The following SNX29 variants were observed in gnomAD, a reference collection of about 807,000 sequenced individuals.
The protein encoded by SNX29 is sorting nexin 29, also known as sorting nexin-29.
A neutral mutation model predicts 102.1 loss-of-function variants in SNX29; 78 were observed. That is an observed-to-expected ratio of 0.76 (90% confidence interval 0.64 to 0.92). The LOEUF (loss-of-function observed/expected upper bound fraction) is 0.92, where lower values mean the gene tolerates loss of function less well. Among genes scored for constraint, SNX29 ranks in the 40% least tolerant of loss-of-function variants. The pLI is 0.00. For missense variants in SNX29, 1,280 were observed against 1,061.7 expected, an observed-to-expected ratio of 1.21 and a Z score of -2.86; for synonymous variants, 580 against 414.5, an observed-to-expected ratio of 1.40 and a Z score of -4.85.
chr16:12,476,404 A>G (rs1479293160), intron 18 of SNX29, among the ~76,000 whole-genome samples: 1,054 of 23,718 alleles, frequency 0.044, 73 homozygotes, highest in Non-Finnish European at 0.052. Context: ...ATATATATAT[A>G]TATATATACA....
intron 9 of SNX29, among the ~76,000 whole-genome samples, chr16:12,063,580 T>C (rs919773611): frequency 3.9e-5 from 6 of 152,026 alleles, no homozygotes; most frequent in Non-Finnish European, 8.8e-5. Flanking sequence ...CGTTTCGCCA[T>C]GTTGGCCAGA....
rs543135744 is a variant in SNX29 at position 12,387,144 on chromosome 16, A to G, written c.1900-11302A>G. Among the ~76,000 whole-genome samples the G allele has an allele frequency of 2.0e-3, 297 of 152,144 alleles. 1 individual carries two copies. Among genetic ancestry groups the G allele is most frequent in the Non-Finnish European group, 1.9e-3 (130 of 67,996 alleles). ...AGTCTCATTAAAAAAATAAAAAAAAAAGAGAGAGCCACACCTAGATTCCCA... is the reference window on the plus strand; with the variant it reads ...AGTCTCATTAAAAAAATAAAAAAAAGAGAGAGAGCCACACCTAGATTCCCA... On this transcript the variant is annotated intron_variant, in intron 16 of 20. Transcript: ENST00000566228.
chr16:12,298,516 G>A (rs2080055167), intron 15 of SNX29, among the ~76,000 whole-genome samples: 2 of 152,152 alleles, frequency 1.3e-5, no homozygotes, highest in African/African-American at 4.8e-5. Flanking sequence ...CTGTAAAATG[G>A]GAATGGTAAT....
intron 20 of SNX29, among the ~76,000 whole-genome samples, chr16:12,561,356 T>G (rs1318845716): frequency 1.3e-5 from 2 of 152,114 alleles, no homozygotes. Flanking sequence ...CACAGACTTA[T>G]GAGGGAGCTA....
intron 10 of SNX29, 34 bp from the exon 11 acceptor site, chr16:12,078,799 C>CA (rs1442012404): frequency 6.4e-7 from 1 of 1,561,340 alleles, no homozygotes; most frequent in Non-Finnish European, 8.7e-7. Context: ...TTTCAGTGGC[C>CA]GAGTGTAACT....
chr16:12,248,578 A>T (rs1213053391), intron 14 of SNX29, among the ~76,000 whole-genome samples: 1 of 151,630 alleles, frequency 6.6e-6, no homozygotes, highest in African/African-American at 2.4e-5. Flanking sequence ...TTAGTAGAGT[A>T]GTAGTTTTTG....
At chr16:12,259,730 C>T (rs1045912017) in intron 14 of SNX29, among the ~76,000 whole-genome samples, 1 of 152,212 alleles carries the variant, frequency 6.6e-6, no homozygotes, top group Non-Finnish European at 1.5e-5. Flanking sequence ...TCCTGGCCCT[C>T]GTCTCCGATC....
chr16:12,360,620 G>A (rs2082273984), intron 16 of SNX29, among the ~76,000 whole-genome samples: 1 of 152,216 alleles, frequency 6.6e-6, no homozygotes, highest in South Asian at 2.1e-4. Flanking sequence ...TTTCAGTGGG[G>A]CCAGTATACA....
rs541214551 is a variant in SNX29, at chr16:12,568,734, G to C, written c.*105G>C. 6.8e-7 allele frequency: 1 copy of C among 1,473,140 alleles called. No individual in the cohort carries two copies. The highest frequency in any genetic ancestry group is 9.1e-7 in the Non-Finnish European group (1 of 1,104,638). The allele number at this position is 1,473,140 out of a possible 1,614,324, so 91.3% of individuals were successfully genotyped here. A position where few individuals can be genotyped will look rare whatever the true frequency, so the allele number is the denominator to read the frequency against. On this transcript the variant is annotated 3_prime_UTR_variant, in exon 21 of 21. Transcript: ENST00000566228. ...TCAGCGTGACAACCACGTCCACCTG[G>C]TGATCCTGAGAGCACACGATTCCCA... is the stretch of plus-strand genomic sequence containing the variant.
In SNX29 at chr16:12,541,303, G is replaced by T. The variant is rs564403483; in HGVS notation, c.2318+16462G>T. Among the ~76,000 whole-genome samples, 74 of 152,276 alleles carry T rather than the reference G, an allele frequency of 4.9e-4. 1 individual carries two copies. The highest frequency in any genetic ancestry group is 1.7e-3 in the African/African-American group (70 of 41,546). On this transcript the variant is annotated intron_variant, in intron 20 of 20. Transcript: ENST00000566228. ...GGGAATACCACTAACAGTGGGGATGGTCAGCCCTGATGGAGGACTTCTGAG... is the reference window on the plus strand; with the variant it reads ...GGGAATACCACTAACAGTGGGGATGTTCAGCCCTGATGGAGGACTTCTGAG...
At chr16:12,408,168 ACAAACAAAC>A (rs2084249213) in intron 18 of SNX29, among the ~76,000 whole-genome samples, 1 of 149,958 alleles carries the variant, frequency 6.7e-6, no homozygotes, top group African/African-American at 2.5e-5. Context: ...AAAAAAACAA[ACAAACAAAC>A]AAAAAAAAAA....
chr16:12,026,269 C>T (rs2057188997), intron 3 of SNX29, among the ~76,000 whole-genome samples: 1 of 152,200 alleles, frequency 6.6e-6, no homozygotes. Context: ...CACCTGCCAT[C>T]TCATCCTGTC....
intron 18 of SNX29, among the ~76,000 whole-genome samples, chr16:12,413,418 G>A (rs1447039332): frequency 6.6e-6 from 1 of 151,844 alleles, no homozygotes; most frequent in Non-Finnish European, 1.5e-5. Context: ...GAATAACAGG[G>A]TCCTGACTTA....
chr16:12,211,910 G>A (rs709424), intron 14 of SNX29, among the ~76,000 whole-genome samples: 62,259 of 151,986 alleles, frequency 0.41, 14,835 homozygotes, highest in Non-Finnish European at 0.54. Context: ...CTGGTGTTGG[G>A]TGAAATATCT....
intron 13 of SNX29, among the ~76,000 whole-genome samples, chr16:12,187,330 C>T (rs564883478): frequency 8.5e-5 from 13 of 152,286 alleles, no homozygotes; most frequent in African/African-American, 3.1e-4. Context: ...GAGGCCAAGG[C>T]GGGTAGATCG....
At position 12,223,385 on chromosome 16, in the gene SNX29, C is replaced by T. The variant is rs141115325; in HGVS notation, c.1678+23702C>T. 1.3e-4 allele frequency among the ~76,000 whole-genome samples: 20 copies of T among 152,096 alleles called. 1 individual carries two copies. In the East Asian group the frequency reaches 1.6e-3, roughly 12 times the overall value. ...TATTAAAAATACAAAAATTAGGCTT[C>T]GCACGGTGGCTTATGCCTGTAATCC... On this transcript the variant is annotated intron_variant, in intron 14 of 20. Transcript: ENST00000566228.
At position 12,147,811 on chromosome 16, in the gene SNX29, C is replaced by G. The variant is rs555400555; in HGVS notation, c.1595+18053C>G. Among the ~76,000 whole-genome samples the G allele has an allele frequency of 3.1e-4, 47 of 152,298 alleles. No homozygotes were observed. The South Asian group carries it at 9.7e-3, about 32-fold the overall frequency. On this transcript the variant is annotated intron_variant, in intron 13 of 20. Coordinates refer to ENST00000566228, the MANE Select transcript of SNX29 (RefSeq NM_032167.5). ...ATGTCACTGAACATGAAGCCTGGGTCTTAAATATAGCCAGGATGTGAATGC... is the reference window on the plus strand; with the variant it reads ...ATGTCACTGAACATGAAGCCTGGGTGTTAAATATAGCCAGGATGTGAATGC...
chr16:12,365,010 T>C (rs111605607), intron 16 of SNX29, among the ~76,000 whole-genome samples: 16 of 152,244 alleles, frequency 1.1e-4, no homozygotes, highest in Non-Finnish European at 1.8e-4. Context: ...AATTTTCTTA[T>C]TAGGCCCATT....
At chr16:12,290,006 A>G (rs2079738084) in intron 15 of SNX29, among the ~76,000 whole-genome samples, 1 of 152,140 alleles carries the variant, frequency 6.6e-6, no homozygotes, top group East Asian at 1.9e-4. Context: ...AACGGGATAC[A>G]GCGGGAGTGG....
Sources: gnomAD v4.1 joint callset for allele counts (sites outside exome capture counted in the v4.1 genomes callset) on GRCh38, gnomAD v4.1.1 for gene constraint, MANE v1.5 for transcripts, NCBI Gene and HGNC (gene_info 2026-07-23, HGNC 2026-07-21) for gene names.